PDE1C: variants seen among roughly 807,000 people sequenced by gnomAD.
The protein encoded by PDE1C is dual specificity calcium/calmodulin-dependent 3',5'-cyclic nucleotide phosphodiesterase 1C.
Under a neutral mutation model 93.1 loss-of-function variants are expected in PDE1C, and 62 were observed. The observed-to-expected ratio is 0.67, with a 90% CI of 0.54 to 0.82. The LOEUF is 0.82. PDE1C is among the 40% of genes least tolerant of loss of function. PDE1C has a pLI of 0.00. For missense variants in PDE1C, 742 were observed against 884.6 expected, an observed-to-expected ratio of 0.84 and a Z score of 2.04; for synonymous variants, 325 against 310.1, an observed-to-expected ratio of 1.05 and a Z score of -0.50.
intron 2 of PDE1C, among the ~76,000 whole-genome samples, chr7:32,191,898 T>C (rs2128821466): frequency 6.6e-6 from 1 of 152,298 alleles, no homozygotes; most frequent in South Asian, 2.1e-4. Flanking sequence ...GCTGTTCGGG[T>C]AGGTGTGCAG....
intron 2 of PDE1C, among the ~76,000 whole-genome samples, chr7:31,948,893 G>A (rs562589653): frequency 6.6e-6 from 1 of 152,182 alleles, no homozygotes; most frequent in Non-Finnish European, 1.5e-5. Flanking sequence ...TGAACTAAAA[G>A]TTGTGCAGTT....
intron 1 of PDE1C, among the ~76,000 whole-genome samples, chr7:32,323,340 A>C (rs1217576417): frequency 6.6e-6 from 1 of 152,168 alleles, no homozygotes; most frequent in Non-Finnish European, 1.5e-5. Context: ...CACTGAATTC[A>C]ACTCAGAGTT....
Position 32,223,562 on chromosome 7 carries a change from G to T in PDE1C, c.86-14023C>A, listed in dbSNP as rs138403286. On this transcript the variant is annotated intron_variant, in intron 1 of 18. Coordinates refer to the PDE1C transcript ENST00000396193. Reference sequence around the variant, plus strand: ...TTCAGCTGAAACATCATGTCCCCTGGTACTTCTCTGACCATCCCGTCTCAA... The same window carrying T: ...TTCAGCTGAAACATCATGTCCCCTGTTACTTCTCTGACCATCCCGTCTCAA... Among the ~76,000 whole-genome samples, 840 of 152,174 alleles carry T rather than the reference G, an allele frequency of 5.5e-3. 10 individuals are homozygous for T. The highest frequency in any genetic ancestry group is 0.019 in the African/African-American group (793 of 41,514).
the PDE1C span, among the ~76,000 whole-genome samples, chr7:31,720,953 A>G: frequency 4.1e-4 from 62 of 152,238 alleles, no homozygotes; most frequent in Admixed American, 8.5e-4. Flanking sequence ...TTTCAGAGAA[A>G]AAAAAGAGTA....
intron 1 of PDE1C, among the ~76,000 whole-genome samples, chr7:32,405,253 CTTTT>C (rs59015406): frequency 1.2e-4 from 17 of 138,876 alleles, no homozygotes; most frequent in Admixed American, 1.4e-4. Flanking sequence ...TTTCTTTTTT[CTTTT>C]TTTTTTTTTT....
intron 15 of PDE1C, among the ~76,000 whole-genome samples, chr7:31,812,622 C>T (rs1475429045): frequency 1.3e-5 from 2 of 152,034 alleles, no homozygotes; most frequent in Non-Finnish European, 2.9e-5. Flanking sequence ...TATTGGAAAA[C>T]AGGATAACTC....
At chr7:32,343,044 T>C (rs980287370) in intron 1 of PDE1C, among the ~76,000 whole-genome samples, 3 of 152,206 alleles carry the variant, frequency 2.0e-5, no homozygotes, top group African/African-American at 7.2e-5. Flanking sequence ...GTGAAATAGT[T>C]ACTCCCGAGT....
At chr7:31,888,253 A>AAG in intron 2 of PDE1C, among the ~76,000 whole-genome samples, 1 of 148,232 alleles carries the variant, frequency 6.7e-6, no homozygotes, top group African/African-American at 2.5e-5. Context: ...CAGTCTCAAA[A>AAG]AAAAAAAAAA....
intron 2 of PDE1C, among the ~76,000 whole-genome samples, chr7:32,028,110 T>C (rs556022322): frequency 6.6e-6 from 1 of 152,274 alleles, no homozygotes; most frequent in South Asian, 2.1e-4. Flanking sequence ...TTTAAAATTT[T>C]CTAAGTAGTC....
intron 14 of PDE1C, among the ~76,000 whole-genome samples, chr7:31,821,219 C>T (rs1788923382): frequency 6.6e-6 from 1 of 152,136 alleles, no homozygotes; most frequent in African/African-American, 2.4e-5. Context: ...CCAAGCAAGG[C>T]TACAGACAAC....
the PDE1C span, among the ~76,000 whole-genome samples, chr7:31,617,861 A>C: frequency 6.6e-6 from 1 of 152,230 alleles, no homozygotes; most frequent in Non-Finnish European, 1.5e-5. Context: ...TATTAAGAAG[A>C]GAGTTACTTT....
At chr7:32,290,855 A>G (rs902226356) in intron 1 of PDE1C, among the ~76,000 whole-genome samples, 2 of 152,230 alleles carry the variant, frequency 1.3e-5, no homozygotes, top group African/African-American at 4.8e-5. Flanking sequence ...AAAAATGCCA[A>G]TTTTGAACAA....
upstream of PDE1C, among the ~76,000 whole-genome samples, chr7:32,302,859 C>A (rs1214971149): frequency 6.6e-6 from 1 of 152,228 alleles, no homozygotes; most frequent in Non-Finnish European, 1.5e-5. Flanking sequence ...ATTCTCCCAA[C>A]AGCCAATAGT....
At chr7:32,015,367 C>A (rs534616158) in intron 2 of PDE1C, among the ~76,000 whole-genome samples, 1 of 151,884 alleles carries the variant, frequency 6.6e-6, no homozygotes, top group African/African-American at 2.4e-5. Flanking sequence ...TAATTCTCCA[C>A]CCCAGGTGGC....
intron 3 of PDE1C, among the ~76,000 whole-genome samples, chr7:32,120,369 T>C (rs1799229666): frequency 6.6e-6 from 1 of 152,194 alleles, no homozygotes; most frequent in Admixed American, 6.5e-5. Flanking sequence ...AGGCAAAGCA[T>C]ACCCTCTCCA....
At chr7:31,951,868 T>C (rs1019730394) in intron 2 of PDE1C, among the ~76,000 whole-genome samples, 2 of 152,246 alleles carry the variant, frequency 1.3e-5, no homozygotes, top group Admixed American at 1.3e-4. Flanking sequence ...ATTTCAACTC[T>C]TACACCCCCT....
intron 1 of PDE1C, among the ~76,000 whole-genome samples, chr7:32,274,408 T>A (rs1160127822): frequency 6.8e-6 from 1 of 147,856 alleles, no homozygotes; most frequent in African/African-American, 2.5e-5. Flanking sequence ...AGGTTCTCCA[T>A]ATGTTGCCCA....
At chr7:31,747,937 G>A (rs1548829), downstream of PDE1C, among the ~76,000 whole-genome samples, 5 of 151,682 alleles carry the variant, frequency 3.3e-5, no homozygotes, top group South Asian at 1.0e-3. Context: ...TATAAAAACT[G>A]TGCTTACATT....
the PDE1C span, among the ~76,000 whole-genome samples, chr7:31,734,506 A>T: frequency 1.3e-5 from 2 of 152,334 alleles, no homozygotes; most frequent in South Asian, 4.1e-4. Flanking sequence ...TTTCTAAGGG[A>T]AATACAGCAG....
Sources: allele counts gnomAD v4.1 joint callset (sites outside exome capture counted in the v4.1 genomes callset), GRCh38; gene constraint gnomAD v4.1.1; transcripts MANE v1.5; gene names NCBI Gene and HGNC (gene_info 2026-07-23, HGNC 2026-07-21).